The following PTGER2 variants were observed in gnomAD, a reference collection of about 807,000 sequenced individuals.
PTGER2 encodes prostaglandin E receptor 2.
A neutral mutation model predicts 26.2 loss-of-function variants in PTGER2; 22 were observed. The ratio of observed to expected loss-of-function variants is 0.84; its 90% confidence interval spans 0.60 to 1.20. The LOEUF is 1.20. PTGER2 is among the 50% of genes most tolerant of loss of function. The pLI, the probability that PTGER2 is intolerant of heterozygous loss-of-function variation, is 0.00. For missense variants in PTGER2, 458 were observed against 475.2 expected, an observed-to-expected ratio of 0.96 and a Z score of 0.34; for synonymous variants, 219 against 208.9, an observed-to-expected ratio of 1.05 and a Z score of -0.42.
At chr14:52,315,805 C>G (rs1327427376) in intron 1 of PTGER2, among the ~76,000 whole-genome samples, 1 of 152,224 alleles carries the variant, frequency 6.6e-6, no homozygotes, top group Non-Finnish European at 1.5e-5. Flanking sequence ...GTTTGCTGCC[C>G]TGTACCTCTC....
In PTGER2 at chr14:52,327,276, C is replaced by T. The variant is rs769841884; in HGVS notation, c.899C>T (p.Ala300Val). Reference protein sequence around the residue: ...SSRKEKWDLQALRFLSINSII... With the variant: ...SSRKEKWDLQVLRFLSINSII... Reference sequence around the variant, plus strand: ...CGAAAGGAAAAATGGGACCTCCAAGCTCTTAGGTTTTTATCAATTAATTCA... The same window carrying T: ...CGAAAGGAAAAATGGGACCTCCAAGTTCTTAGGTTTTTATCAATTAATTCA... Residue 300 changes from alanine (A) to valine (V), a missense_variant, in exon 2 of 2, where the codon GCT becomes GTT. Transcript: ENST00000245457. 6.2e-7 allele frequency: 1 copy of T among 1,613,728 alleles called. No individual in the cohort carries two copies. Among genetic ancestry groups the T allele is most frequent in the South Asian group, 1.1e-5 (1 of 91,072 alleles).
chr14:52,314,752 C>A lies in PTGER2; in HGVS notation c.204C>A (p.His68Gln). Residue 68 changes from histidine to glutamine, a missense_variant, in exon 1 of 2, where the codon CAC becomes CAA. His to Gln is a conservative substitution (Grantham distance 24, BLOSUM62 0). Coordinates refer to ENST00000245457, the MANE Select transcript of PTGER2 (RefSeq NM_000956.4). This position sits in a 1 kb window ranked among gnomAD's most constrained non-coding sequence, Gnocchi z 5.7. ...GCAGGAGCTCCCTCTCCTTGTTCCACGTGCTGGTGACCGAGCTGGTGTTCA... is the reference window on the plus strand; with the variant it reads ...GCAGGAGCTCCCTCTCCTTGTTCCAAGTGCTGGTGACCGAGCTGGTGTTCA... ...AGRRSSLSLF[H>Q]VLVTELVFTD... is the part of the protein sequence containing the mutation. The A allele has an allele frequency of 6.2e-7, 1 of 1,602,296 alleles. No individual in the cohort carries two copies. Among genetic ancestry groups the A allele is most frequent in the Non-Finnish European group, 8.5e-7 (1 of 1,172,074 alleles).
In PTGER2 at chr14:52,314,898, CCTT is replaced by C; in HGVS notation, c.355_357del (p.Phe119del). The C allele has an allele frequency of 1.2e-6, 2 of 1,612,740 alleles. No individual in the cohort carries two copies. The highest frequency in any genetic ancestry group is 2.2e-5 in the South Asian group (2 of 90,986). ...TGCACCTACTTCGCTTTCGCCATGA[CCTT>C]CTTCAGCCTGGCCACGATGCTCATG... On this transcript the variant is annotated inframe_deletion, in exon 1 of 2. Coordinates refer to ENST00000245457, the MANE Select transcript of PTGER2 (RefSeq NM_000956.4). This position sits in a 1 kb window ranked among gnomAD's most constrained non-coding sequence, Gnocchi z 5.7.
intron 1 of PTGER2, among the ~76,000 whole-genome samples, chr14:52,322,386 C>G (rs2033904909): frequency 6.6e-6 from 1 of 151,992 alleles, no homozygotes; most frequent in East Asian, 1.9e-4. Context: ...GGAAACAGGA[C>G]AAGGGCAAAA....
At chr14:52,318,992 C>T (rs1387457850) in intron 1 of PTGER2, among the ~76,000 whole-genome samples, 1 of 152,170 alleles carries the variant, frequency 6.6e-6, no homozygotes, top group African/African-American at 2.4e-5. Flanking sequence ...CACCCTGTGT[C>T]CCACAGCTAA....
intron 1 of PTGER2, among the ~76,000 whole-genome samples, chr14:52,326,580 G>T (rs2033953362): frequency 6.6e-6 from 1 of 152,102 alleles, no homozygotes; most frequent in Non-Finnish European, 1.5e-5. Flanking sequence ...TCTTGCCATT[G>T]ATCTCAAACT....
At chr14:52,318,294 A>G (rs2033861324) in intron 1 of PTGER2, among the ~76,000 whole-genome samples, 2 of 152,226 alleles carry the variant, frequency 1.3e-5, no homozygotes, top group Non-Finnish European at 2.9e-5. Flanking sequence ...AGTGCACATG[A>G]TCTGATAGAA....
intron 1 of PTGER2, among the ~76,000 whole-genome samples, chr14:52,323,498 C>G (rs1006843445): frequency 6.6e-6 from 1 of 152,154 alleles, no homozygotes; most frequent in African/African-American, 2.4e-5. Flanking sequence ...AGGTGACCTG[C>G]CTGCCTCGGC....
At chr14:52,325,892 T>C (rs754388783) in intron 1 of PTGER2, among the ~76,000 whole-genome samples, 1 of 152,224 alleles carries the variant, frequency 6.6e-6, no homozygotes, top group Non-Finnish European at 1.5e-5. Context: ...AGTTGCCAGA[T>C]GCCTGCAGAG....
rs766477454 is a variant in PTGER2 at position 52,314,612 on chromosome 14, G to A, written c.64G>A (p.Gly22Ser). 1 of 1,510,514 alleles carries A rather than the reference G, an allele frequency of 6.6e-7. No individual in the cohort carries two copies. 93.6% of individuals were successfully genotyped at this position (1,510,514 alleles called of 1,614,324 possible). A position where few individuals can be genotyped will look rare whatever the true frequency, so the allele number is the denominator to read the frequency against. ...DCETRQWLPP[G>S]ESPAISSVMF... Reference sequence around the variant, plus strand: ...CGAGACGCGACAGTGGCTTCCCCCAGGCGAAAGCCCAGCCATCAGCTCCGT... The same window carrying A: ...CGAGACGCGACAGTGGCTTCCCCCAAGCGAAAGCCCAGCCATCAGCTCCGT... Residue 22 changes from glycine to serine, a missense_variant, in exon 1 of 2, where the codon GGC becomes AGC. By Grantham distance (56) the Gly-to-Ser change is moderately conservative (BLOSUM62 0). Transcript: ENST00000245457. The surrounding 1 kb of genome is among the most constrained non-coding windows in gnomAD (Gnocchi z 5.7).
At chr14:52,321,271 T>A (rs551402792) in intron 1 of PTGER2, among the ~76,000 whole-genome samples, 74 of 151,866 alleles carry the variant, frequency 4.9e-4, no homozygotes, top group African/African-American at 1.5e-3. Flanking sequence ...TGTTTTTTTT[T>A]AAAGAATGAA....
At chr14:52,318,781 CT>C (rs1470998188) in intron 1 of PTGER2, among the ~76,000 whole-genome samples, 3 of 152,196 alleles carry the variant, frequency 2.0e-5, no homozygotes, top group Non-Finnish European at 4.4e-5. Context: ...CAGTCTAGGG[CT>C]TCCAAAATTT....
rs1324233630 is a variant in PTGER2 at position 52,315,287 on chromosome 14, G to T, written c.739G>T (p.Ala247Ser). The change falls in exon 1 of 2, where the codon GCC becomes TCC. Residue 247 changes from alanine (A) to serine (S), a missense_variant. By Grantham distance (99) the Ala-to-Ser change is moderately conservative. Coordinates refer to ENST00000245457, the MANE Select transcript of PTGER2 (RefSeq NM_000956.4). ...GGGCAGTGGCCGGGGCGGCCCCGGG[G>T]CCCGCAGGAGAGGGGAAAGGGTGTC... is the stretch of plus-strand genomic sequence containing the variant. ...SLGSGRGGPG[A>S]RRRGERVSMA... The T allele has an allele frequency of 6.2e-7, 1 of 1,612,774 alleles. No homozygotes were observed. Among genetic ancestry groups the T allele is most frequent in the Non-Finnish European group, 8.5e-7 (1 of 1,179,702 alleles).
Position 52,314,705 on chromosome 14 carries a change from G to C in PTGER2, c.157G>C (p.Asp53His). The C allele has an allele frequency of 6.4e-7, 1 of 1,560,762 alleles. No homozygotes were observed. The highest frequency in any genetic ancestry group is 8.7e-7 in the Non-Finnish European group (1 of 1,149,414). The change falls in exon 1 of 2, where the codon GAC (aspartate) becomes CAC (histidine). Residue 53 changes from aspartate to histidine, a missense_variant. Coordinates refer to ENST00000245457, the MANE Select transcript of PTGER2 (RefSeq NM_000956.4). This position sits in a 1 kb window ranked among gnomAD's most constrained non-coding sequence, Gnocchi z 5.7. ...GCTGCTGGCGCGCCGCTGGCGGGGG[G>C]ACGTGGGGTGCAGCGCCGGCCGCAG... Reference protein sequence around the residue: ...LALLARRWRGDVGCSAGRRSS... With the variant: ...LALLARRWRGHVGCSAGRRSS...
intron 1 of PTGER2, among the ~76,000 whole-genome samples, chr14:52,324,581 T>A (rs1017973109): frequency 6.6e-6 from 1 of 152,184 alleles, no homozygotes; most frequent in Non-Finnish European, 1.5e-5. Flanking sequence ...TGTCAAAGCA[T>A]AATATGCAGA....
intron 1 of PTGER2, among the ~76,000 whole-genome samples, chr14:52,316,474 G>A (rs539322993): frequency 3.3e-5 from 5 of 152,304 alleles, no homozygotes; most frequent in Admixed American, 2.6e-4. Flanking sequence ...ATCTTCAGAA[G>A]AGCAAGACTG....
rs540145696 is a variant in PTGER2 at position 52,323,573 on chromosome 14, G to A, written c.844-3648G>A. Among the ~76,000 whole-genome samples, 11 of 152,250 alleles carry A rather than the reference G, an allele frequency of 7.2e-5. No homozygotes were observed. The South Asian group carries it at 1.0e-3, about 14-fold the overall frequency. On this transcript the variant is annotated intron_variant, in intron 1 of 1. Transcript: ENST00000245457. Reference sequence around the variant, plus strand: ...CCAACCTATTTTTAAAGCTCCTCAGGTGATTTCAATGATCGGCCAAATAAA... The same window carrying A: ...CCAACCTATTTTTAAAGCTCCTCAGATGATTTCAATGATCGGCCAAATAAA...
intron 1 of PTGER2, 118 bp from the exon 2 acceptor site, chr14:52,327,103 C>A: frequency 1.4e-6 from 1 of 714,150 alleles, no homozygotes. Context: ...TCGTTCCCCA[C>A]CACTACCACA....
chr14:52,321,309 T>C (rs2033893258), intron 1 of PTGER2, among the ~76,000 whole-genome samples: 1 of 152,128 alleles, frequency 6.6e-6, no homozygotes, highest in Non-Finnish European at 1.5e-5. Context: ...TCAGGACACC[T>C]TAGTGTCTTT....
Sources: allele counts gnomAD v4.1 joint callset (sites outside exome capture counted in the v4.1 genomes callset), GRCh38; gene constraint gnomAD v4.1.1; non-coding constraint Gnocchi (gnomAD v3.1); transcripts MANE v1.5; gene names NCBI Gene and HGNC (gene_info 2026-07-23, HGNC 2026-07-21).